The following PCDHGA12 variants were observed in gnomAD, a reference collection of about 807,000 sequenced individuals.
The protein encoded by PCDHGA12 is protocadherin gamma-A12.
In PCDHGA12, 43 loss-of-function variants were observed where a neutral mutation model predicts 61.1. That is an observed-to-expected ratio of 0.70 (90% CI 0.55 to 0.91). The LOEUF is 0.91. PCDHGA12 is among the 40% of genes least tolerant of loss of function. PCDHGA12 has a pLI of 0.00. For synonymous variants in PCDHGA12, 520 were observed against 542.9 expected, an observed-to-expected ratio of 0.96 and a Z score of 0.59; for missense variants, 1,236 against 1,227.7, an observed-to-expected ratio of 1.01 and a Z score of -0.10.
chr5:141,454,351 C>T (rs1406631649), intron 1 of PCDHGA12, among the ~76,000 whole-genome samples: 2 of 152,152 alleles, frequency 1.3e-5, no homozygotes, highest in Non-Finnish European at 2.9e-5. Flanking sequence ...GAAGTTGATC[C>T]AAACTTAGAA....
At chr5:141,478,236 TCA>T in intron 1 of PCDHGA12, 3 of 1,614,156 alleles carry the variant, frequency 1.9e-6, no homozygotes, top group Non-Finnish European at 2.5e-6. Flanking sequence ...GGGTTTGTGG[TCA>T]CAGTGTTCGG....
chr5:141,486,608 G>A lies in PCDHGA12; in HGVS notation c.2425-8199G>A. On this transcript the variant is annotated intron_variant, in intron 1 of 3. Transcript: ENST00000252085. The surrounding 1 kb of genome is among the most constrained non-coding windows in gnomAD (Gnocchi z 5.0). ...AGGGGACCTGCTTTGCTCCCTTGCAGCCTCTGACCCAGACTCTGGCTTGAA... is the reference window on the plus strand; with the variant it reads ...AGGGGACCTGCTTTGCTCCCTTGCAACCTCTGACCCAGACTCTGGCTTGAA... 3 of 1,613,546 alleles carry A rather than the reference G, an allele frequency of 1.9e-6. No homozygotes were observed. The highest frequency in any genetic ancestry group is 2.5e-6 in the Non-Finnish European group (3 of 1,180,024).
At chr5:141,462,360 A>G (rs1400686908) in intron 1 of PCDHGA12, among the ~76,000 whole-genome samples, 1 of 152,238 alleles carries the variant, frequency 6.6e-6, no homozygotes, top group Non-Finnish European at 1.5e-5. Flanking sequence ...TATACATTGT[A>G]TAGTTTCTAT....
chr5:141,493,784 T>A lies in PCDHGA12; in HGVS notation c.2425-1023T>A, dbSNP rs1368708028. ...AGCCACTGGCAGTTCCGGAGCTTCC[T>A]TCTCCCTGGAGTAATCTGAGATACT... On this transcript the variant is annotated intron_variant, in intron 1 of 3. Coordinates refer to ENST00000252085, the MANE Select transcript of PCDHGA12 (RefSeq NM_003735.3). This position sits in a 1 kb window ranked among gnomAD's most constrained non-coding sequence, Gnocchi z 4.3. 1.3e-5 allele frequency among the ~76,000 whole-genome samples: 2 copies of A among 152,194 alleles called. No individual in the cohort carries two copies. Among genetic ancestry groups the A allele is most frequent in the Non-Finnish European group, 2.9e-5 (2 of 68,032 alleles).
chr5:141,478,376 C>T, intron 1 of PCDHGA12: 4 of 1,613,672 alleles, frequency 2.5e-6, no homozygotes, highest in Non-Finnish European at 3.4e-6. Flanking sequence ...CCTGATGTCG[C>T]CGCACCTTTA....
At chr5:141,484,620 C>G (rs536622819) in intron 1 of PCDHGA12, among the ~76,000 whole-genome samples, 25 of 151,974 alleles carry the variant, frequency 1.6e-4, no homozygotes, top group African/African-American at 6.0e-4. Flanking sequence ...ACAACACTGG[C>G]TTGAACAAAG....
rs774079222 is a variant in PCDHGA12, at chr5:141,491,314, C to G, written c.2425-3493C>G. On this transcript the variant is annotated intron_variant, in intron 1 of 3. Transcript: ENST00000252085. The surrounding 1 kb of genome is among the most constrained non-coding windows in gnomAD (Gnocchi z 6.9). ...CCCTCCTGAGCGTTCAGACCTTACC[C>G]TTTACCTCATTGTGGCTCTAGCGAC... is the stretch of plus-strand genomic sequence containing the variant. 6 of 1,614,064 alleles carry G rather than the reference C, an allele frequency of 3.7e-6. No individual in the cohort carries two copies. In the South Asian group the frequency reaches 5.5e-5, roughly 15 times the overall value.
intron 1 of PCDHGA12, among the ~76,000 whole-genome samples, chr5:141,472,346 C>G (rs1393301393): frequency 6.6e-6 from 1 of 151,722 alleles, no homozygotes; most frequent in Non-Finnish European, 1.5e-5. Flanking sequence ...TCGAGACCAT[C>G]CTGGCTAACA....
chr5:141,501,897 C>T (rs796164763), intron 2 of PCDHGA12, among the ~76,000 whole-genome samples: 17 of 152,230 alleles, frequency 1.1e-4, no homozygotes, highest in African/African-American at 3.4e-4. Flanking sequence ...ATCATGGTTC[C>T]AACCCCACTG....
At position 141,430,598 on chromosome 5, in the gene PCDHGA12, T is replaced by G; in HGVS notation, c.-162T>G. 1 of 598,568 alleles carries G rather than the reference T, an allele frequency of 1.7e-6. No homozygotes were observed. Among genetic ancestry groups the G allele is most frequent in the Non-Finnish European group, 2.6e-6 (1 of 381,438 alleles). The allele number at this position is 598,568 out of a possible 1,614,324, so 37.1% of individuals were successfully genotyped here. A position where few individuals can be genotyped will look rare whatever the true frequency, so the allele number is the denominator to read the frequency against. ...AGATCCTGCTCGCCTTGCACGCGCCTGAAGCACAAAGCAGATAGCTAGGAA... is the reference window on the plus strand; with the variant it reads ...AGATCCTGCTCGCCTTGCACGCGCCGGAAGCACAAAGCAGATAGCTAGGAA... On this transcript the variant is annotated 5_prime_UTR_variant, in exon 1 of 4. Coordinates refer to ENST00000252085, the MANE Select transcript of PCDHGA12 (RefSeq NM_003735.3).
chr5:141,480,265 A>G (rs1041908141), intron 1 of PCDHGA12, among the ~76,000 whole-genome samples: 2 of 151,784 alleles, frequency 1.3e-5, no homozygotes, highest in African/African-American at 2.4e-5. Context: ...ATGTGTTTTC[A>G]TTAGCTGGGT....
chr5:141,473,497 C>T (rs2099323546), intron 1 of PCDHGA12, among the ~76,000 whole-genome samples: 1 of 152,106 alleles, frequency 6.6e-6, no homozygotes, highest in Non-Finnish European at 1.5e-5. Context: ...ATAAGGTGTT[C>T]TGAGAGAGCA....
At chr5:141,465,094 GT>G (rs138941665) in intron 1 of PCDHGA12, among the ~76,000 whole-genome samples, 203 of 148,178 alleles carry the variant, frequency 1.4e-3, no homozygotes, top group Admixed American at 7.3e-3. Context: ...TTTTCTAGTA[GT>G]TTTTTTTTTA....
chr5:141,497,829 C>T (rs754594104), intron 2 of PCDHGA12, among the ~76,000 whole-genome samples: 147 of 152,160 alleles, frequency 9.7e-4, no homozygotes, highest in Non-Finnish European at 1.8e-3. Flanking sequence ...TGTGATCGCC[C>T]CCGGCCACAA....
intron 1 of PCDHGA12, among the ~76,000 whole-genome samples, chr5:141,455,997 A>C (rs1373055623): frequency 1.3e-5 from 2 of 151,626 alleles, no homozygotes. Context: ...TCTCGGGTTC[A>C]TGCCATTCTC....
chr5:141,431,582 G>A lies in PCDHGA12; in HGVS notation c.823G>A (p.Ala275Thr). Residue 275 changes from alanine (A) to threonine (T), a missense_variant, in exon 1 of 4, where the codon GCG becomes ACG. By Grantham distance (58) the Ala-to-Thr change is moderately conservative. Coordinates refer to ENST00000252085, the MANE Select transcript of PCDHGA12 (RefSeq NM_003735.3). The surrounding 1 kb of genome is among the most constrained non-coding windows in gnomAD (Gnocchi z 4.8). Reference sequence around the variant, plus strand: ...TACCGACCCTGACGAAGGAGTCAATGCGGAAGTGAGGTATTCCTTCCGGTA... The same window carrying A: ...TACCGACCCTGACGAAGGAGTCAATACGGAAGTGAGGTATTCCTTCCGGTA... ...NATDPDEGVN[A>T]EVRYSFRYVD... The A allele has an allele frequency of 6.2e-7, 1 of 1,614,210 alleles. No homozygotes were observed. Among genetic ancestry groups the A allele is most frequent in the Non-Finnish European group, 8.5e-7 (1 of 1,180,036 alleles).
chr5:141,437,247 C>T (rs2097870457), intron 1 of PCDHGA12, among the ~76,000 whole-genome samples: 2 of 152,090 alleles, frequency 1.3e-5, no homozygotes, highest in Non-Finnish European at 2.9e-5. Context: ...AAGGACTTTC[C>T]TTGTCTTTTT....
At chr5:141,501,290 TACACACACACACACACACACACACAC>T (rs55762287) in intron 2 of PCDHGA12, among the ~76,000 whole-genome samples, 1 of 136,164 alleles carries the variant, frequency 7.3e-6, no homozygotes, top group Non-Finnish European at 1.6e-5. Flanking sequence ...TATTCCCTTA[TACACACACACACACACACACACACAC>T]ACACACACAC....
chr5:141,467,775 C>T (rs1464827506), intron 1 of PCDHGA12, among the ~76,000 whole-genome samples: 1 of 151,960 alleles, frequency 6.6e-6, no homozygotes, highest in Non-Finnish European at 1.5e-5. Context: ...GCCCGCACCT[C>T]AGCCTCTCAA....
Sources: allele counts gnomAD v4.1 joint callset (sites outside exome capture counted in the v4.1 genomes callset), GRCh38; gene constraint gnomAD v4.1.1; non-coding constraint Gnocchi (gnomAD v3.1); transcripts MANE v1.5; gene names NCBI Gene and HGNC (gene_info 2026-07-23, HGNC 2026-07-21).